TMEM74: variants seen among roughly 807,000 people sequenced by gnomAD.
TMEM74 encodes transmembrane protein 74.
TMEM74 carries 13 observed loss-of-function variants against 18.1 expected under a neutral mutation model. That is an observed-to-expected ratio of 0.72 (90% CI 0.47 to 1.14). The LOEUF is 1.14. Among genes scored for constraint, TMEM74 ranks in the 50% most tolerant of loss-of-function variants. The pLI, the probability that TMEM74 is intolerant of heterozygous loss-of-function variation, is 0.00. For synonymous variants in TMEM74, 159 were observed against 146.6 expected (o/e 1.08, Z -0.61); for missense variants, 372 against 375.9 (o/e 0.99, Z 0.09).
intron 1 of TMEM74, among the ~76,000 whole-genome samples, chr8:108,708,808 G>GAAAAAAAA: frequency 1.9e-4 from 1 of 5,146 alleles, no homozygotes. Flanking sequence ...CAACTCAATA[G>GAAAAAAAA]CAAAAAAAAA....
chr8:108,644,600 C>T (rs1194633691), intron 2 of TMEM74, among the ~76,000 whole-genome samples: 1 of 152,106 alleles, frequency 6.6e-6, no homozygotes, highest in African/African-American at 2.4e-5. Context: ...GCAAACTATG[C>T]ATCTGACAAA....
At chr8:108,746,686 A>C (rs1264617864) in intron 1 of TMEM74, among the ~76,000 whole-genome samples, 1 of 152,076 alleles carries the variant, frequency 6.6e-6, no homozygotes, top group Non-Finnish European at 1.5e-5. Flanking sequence ...TGCCAGGGGA[A>C]CAAACCATGT....
chr8:108,693,037 T>C (rs1183540755), intron 1 of TMEM74, among the ~76,000 whole-genome samples: 1 of 152,008 alleles, frequency 6.6e-6, no homozygotes, highest in Non-Finnish European at 1.5e-5. Context: ...ACCAAATAAT[T>C]TGAGACTTGG....
chr8:108,617,762 G>C (rs1812400148), intron 2 of TMEM74, among the ~76,000 whole-genome samples: 1 of 152,120 alleles, frequency 6.6e-6, no homozygotes, highest in Non-Finnish European at 1.5e-5. Context: ...GAAGGTCTTG[G>C]AAAGAGGAGG....
chr8:108,715,092 A>G (rs758202548), intron 1 of TMEM74, among the ~76,000 whole-genome samples: 9 of 152,314 alleles, frequency 5.9e-5, no homozygotes, highest in Non-Finnish European at 1.3e-4. Context: ...CCTTTGTAGA[A>G]TGTGTTTCTA....
At chr8:108,625,639 G>A (rs1461119544) in intron 2 of TMEM74, among the ~76,000 whole-genome samples, 3 of 151,962 alleles carry the variant, frequency 2.0e-5, no homozygotes, top group African/African-American at 7.2e-5. Context: ...TGTTTGCAGA[G>A]TATACTTTAT....
intron 1 of TMEM74, among the ~76,000 whole-genome samples, chr8:108,738,869 A>G (rs1444165725): frequency 6.6e-6 from 1 of 152,220 alleles, no homozygotes; most frequent in African/African-American, 2.4e-5. Context: ...GTATAGTCAC[A>G]TAATCTAGCC....
chr8:108,668,831 T>C (rs941896647), intron 1 of TMEM74, among the ~76,000 whole-genome samples: 6 of 152,118 alleles, frequency 3.9e-5, no homozygotes, highest in South Asian at 2.1e-4. Flanking sequence ...AATTTCATCA[T>C]TGGTATGACT....
intron 1 of TMEM74, among the ~76,000 whole-genome samples, chr8:108,711,806 T>C (rs1586269972): frequency 6.6e-6 from 1 of 152,246 alleles, no homozygotes; most frequent in South Asian, 2.1e-4. Context: ...AGAGAGACTA[T>C]AATGAATAAA....
intron 2 of TMEM74, among the ~76,000 whole-genome samples, chr8:108,628,756 A>C (rs1812521123): frequency 6.6e-6 from 1 of 152,094 alleles, no homozygotes; most frequent in African/African-American, 2.4e-5. Context: ...CCAAAGGTAT[A>C]AAAACATTTT....
At chr8:108,670,334 T>C (rs1196940649) in intron 1 of TMEM74, among the ~76,000 whole-genome samples, 2 of 152,200 alleles carry the variant, frequency 1.3e-5, no homozygotes, top group African/African-American at 4.8e-5. Context: ...AAGCACCACC[T>C]GCTTAGGGAA....
At chr8:108,609,987 C>T (rs566672605) in intron 2 of TMEM74, among the ~76,000 whole-genome samples, 12 of 152,272 alleles carry the variant, frequency 7.9e-5, no homozygotes, top group South Asian at 4.1e-4. Flanking sequence ...AGAAAATAAA[C>T]GGGCCAAAAA....
intron 2 of TMEM74, among the ~76,000 whole-genome samples, chr8:108,629,526 T>A (rs751175329): frequency 6.6e-6 from 1 of 151,796 alleles, no homozygotes; most frequent in Non-Finnish European, 1.5e-5. Flanking sequence ...CCAAGACACA[T>A]AATTGTCAGA....
chr8:108,713,411 A>G (rs1028940120), intron 1 of TMEM74, among the ~76,000 whole-genome samples: 2 of 152,226 alleles, frequency 1.3e-5, no homozygotes, highest in African/African-American at 4.8e-5. Context: ...ATTGGGTAAA[A>G]AAATAAAATG....
chr8:108,710,376 C>T (rs1011942165), intron 1 of TMEM74, among the ~76,000 whole-genome samples: 1 of 152,194 alleles, frequency 6.6e-6, no homozygotes, highest in Non-Finnish European at 1.5e-5. Context: ...AATCTCAGGG[C>T]AAGTCATGCT....
At chr8:108,698,416 C>T (rs1280858629) in intron 1 of TMEM74, among the ~76,000 whole-genome samples, 1 of 152,190 alleles carries the variant, frequency 6.6e-6, no homozygotes, top group Non-Finnish European at 1.5e-5. Context: ...TACTTGAACT[C>T]TCTAGGAAAC....
At position 108,785,095 on chromosome 8, in the gene TMEM74, C is replaced by G. The variant is rs553258535; in HGVS notation, c.4G>C (p.Glu2Gln). Residue 2 changes from glutamate to glutamine, a missense_variant, in exon 2 of 2, where the codon GAG becomes CAG. Glu to Gln is a conservative substitution (Grantham distance 29, BLOSUM62 2). Transcript: ENST00000297459. M[E>Q]LHYLAKKSNQ... ...CTCTTCTTAGCAAGGTAGTGGAGCT[C>G]CATGAGAGCTAGTCAGACATCCCCC... is the stretch of plus-strand genomic sequence containing the variant. 1 of 1,589,986 alleles carries G rather than the reference C, an allele frequency of 6.3e-7. No individual in the cohort carries two copies. Among genetic ancestry groups the G allele is most frequent in the Non-Finnish European group, 8.5e-7 (1 of 1,169,934 alleles).
chr8:108,674,937 C>A (rs1006507206), intron 1 of TMEM74, among the ~76,000 whole-genome samples: 4 of 152,192 alleles, frequency 2.6e-5, no homozygotes, highest in African/African-American at 9.6e-5. Context: ...TTTCAACAGC[C>A]AGATGAGCCC....
At chr8:108,632,532 A>T (rs533846691) in intron 2 of TMEM74, among the ~76,000 whole-genome samples, 1 of 152,164 alleles carries the variant, frequency 6.6e-6, no homozygotes, top group South Asian at 2.1e-4. Flanking sequence ...TAAACCTCTA[A>T]CTACCATTTC....
Sources: gnomAD v4.1 joint callset for allele counts (sites outside exome capture counted in the v4.1 genomes callset) on GRCh38, gnomAD v4.1.1 for gene constraint, MANE v1.5 for transcripts, NCBI Gene and HGNC (gene_info 2026-07-23, HGNC 2026-07-21) for gene names.